The following TRHDE variants were observed in gnomAD, a reference collection of about 807,000 sequenced individuals.
The protein encoded by TRHDE is thyrotropin-releasing hormone-degrading ectoenzyme.
In TRHDE, 72 loss-of-function variants were observed where a neutral mutation model predicts 125.7. That is an observed-to-expected ratio of 0.57 (90% confidence interval 0.47 to 0.70). The LOEUF (loss-of-function observed/expected upper bound fraction) is 0.70. Among genes scored for constraint, TRHDE ranks in the 30% least tolerant of loss-of-function variants. The pLI is 0.00. For missense variants in TRHDE, 1,110 were observed against 1,327.1 expected (o/e 0.84, Z 2.54); for synonymous variants, 509 against 509.1 (o/e 1.00, Z 0.00).
At chr12:72,326,916 C>T (rs57530719) in intron 2 of TRHDE, among the ~76,000 whole-genome samples, 2,334 of 152,198 alleles carry the variant, frequency 0.015, 58 homozygotes, top group African/African-American at 0.053. Flanking sequence ...GACTCTTATT[C>T]GGGAACTGCT....
chr12:72,377,657 C>T (rs990443073), intron 2 of TRHDE, among the ~76,000 whole-genome samples: 1 of 152,122 alleles, frequency 6.6e-6, no homozygotes, highest in African/African-American at 2.4e-5. Flanking sequence ...TCAGCATAGT[C>T]AGGGTCCCAT....
intron 10 of TRHDE, 61 bp from the exon 11 acceptor site, chr12:72,575,194 C>T: frequency 1.3e-6 from 2 of 1,542,628 alleles, no homozygotes; most frequent in Admixed American, 1.8e-5. Flanking sequence ...GTTAAGAAAA[C>T]ATACTTCATT....
At chr12:72,295,613 A>G (rs2135679485) in intron 2 of TRHDE, among the ~76,000 whole-genome samples, 1 of 152,298 alleles carries the variant, frequency 6.6e-6, no homozygotes, top group Admixed American at 6.5e-5. Context: ...CCAGGAAAGT[A>G]CAAGACATAT....
At chr12:72,554,045 A>G (rs941288630) in intron 7 of TRHDE, among the ~76,000 whole-genome samples, 1 of 151,556 alleles carries the variant, frequency 6.6e-6, no homozygotes, top group Non-Finnish European at 1.5e-5. Flanking sequence ...ATGGGGTTTC[A>G]CCACGTTGGC....
intron 6 of TRHDE, among the ~76,000 whole-genome samples, chr12:72,520,315 C>T (rs56285747): frequency 0.051 from 7,824 of 152,274 alleles, 284 homozygotes; most frequent in Admixed American, 0.12. Context: ...TAAGACCCTC[C>T]GAGCCAGGTG....
At chr12:72,150,804 G>C (rs1876343421) in intron 2 of TRHDE, among the ~76,000 whole-genome samples, 1 of 151,930 alleles carries the variant, frequency 6.6e-6, no homozygotes, top group Admixed American at 6.6e-5. Flanking sequence ...ATCATTGTTG[G>C]ACATTTGGGT....
At chr12:72,594,015 C>A (rs770766737) in intron 12 of TRHDE, among the ~76,000 whole-genome samples, 13 of 152,002 alleles carry the variant, frequency 8.6e-5, no homozygotes, top group Non-Finnish European at 1.5e-4. Flanking sequence ...ATTTATAATC[C>A]CTTGGGTATA....
In TRHDE at chr12:72,165,921, C is replaced by T. The variant is rs767472072; in HGVS notation, n.279+60169C>T. 7.9e-5 allele frequency among the ~76,000 whole-genome samples: 12 copies of T among 152,062 alleles called. No individual in the cohort carries two copies. In the East Asian group the frequency reaches 1.7e-3, roughly 22 times the overall value. ...TGATCTCCTGACCTCATGATCTGCCCGCCATGGCCTCCCAAAGTGCTGGGA... is the reference window on the plus strand; with the variant it reads ...TGATCTCCTGACCTCATGATCTGCCTGCCATGGCCTCCCAAAGTGCTGGGA... On this transcript the variant is annotated intron_variant and non_coding_transcript_variant, in intron 2 of 4. Coordinates refer to the TRHDE transcript ENST00000548156.
chr12:72,283,350 T>G (rs1187063067), intron 1 of TRHDE, among the ~76,000 whole-genome samples: 1 of 152,180 alleles, frequency 6.6e-6, no homozygotes, highest in South Asian at 2.1e-4. Flanking sequence ...AGACCTTAAA[T>G]GTAATCTAGT....
At chr12:72,313,152 A>C (rs890961477) in intron 2 of TRHDE, among the ~76,000 whole-genome samples, 3 of 152,152 alleles carry the variant, frequency 2.0e-5, no homozygotes, top group Non-Finnish European at 4.4e-5. Context: ...GGCCAGATAA[A>C]TAATTTTACT....
At position 72,315,038 on chromosome 12, in the gene TRHDE, T is replaced by C. The variant is rs150187962; in HGVS notation, c.1188+28084T>C. The stretch of plus-strand genomic sequence containing the variant: ...GTTAAAAATAAATTGTTTAGGCAGA[T>C]ATATCTGTATAACTTACATTAGGAT... On this transcript the variant is annotated intron_variant, in intron 2 of 18. Transcript: ENST00000261180. 1.8e-3 allele frequency among the ~76,000 whole-genome samples: 279 copies of C among 152,348 alleles called. 4 individuals carry two copies. Among genetic ancestry groups the C allele is most frequent in the African/African-American group, 6.1e-3 (252 of 41,578 alleles).
At chr12:72,434,029 A>G (rs867661253) in intron 3 of TRHDE, among the ~76,000 whole-genome samples, 8 of 152,090 alleles carry the variant, frequency 5.3e-5, no homozygotes, top group African/African-American at 1.7e-4. Context: ...GAGAGGAGTG[A>G]GTGAGGACTG....
At chr12:72,329,368 G>A (rs112120459) in intron 2 of TRHDE, among the ~76,000 whole-genome samples, 11 of 152,260 alleles carry the variant, frequency 7.2e-5, no homozygotes, top group South Asian at 4.1e-4. Context: ...AGAAAATGCC[G>A]TTTGATTTGG....
chr12:72,138,212 T>G (rs1375159867), intron 2 of TRHDE, among the ~76,000 whole-genome samples: 1 of 151,894 alleles, frequency 6.6e-6, no homozygotes, highest in Admixed American at 6.6e-5. Context: ...CTGTCTCTAC[T>G]AAAATACAAA....
chr12:72,255,060 G>T (rs954329774), intron 2 of TRHDE: 7 of 152,242 alleles, frequency 4.6e-5, no homozygotes, highest in Admixed American at 4.6e-4. Context: ...GGTCACTAAT[G>T]ACTTGCACAA....
chr12:72,138,283 G>A (rs1252499411), intron 2 of TRHDE, among the ~76,000 whole-genome samples: 1 of 152,076 alleles, frequency 6.6e-6, no homozygotes. Flanking sequence ...GCTGAGGCAG[G>A]GGAATTGCTT....
chr12:72,380,734 GCTTC>G lies in TRHDE; in HGVS notation c.1315+2641_1315+2644del, dbSNP rs1227111391. 2.8e-3 allele frequency among the ~76,000 whole-genome samples: 227 copies of G among 82,082 alleles called. 3 individuals carry two copies. Among genetic ancestry groups the G allele is most frequent in the South Asian group, 3.1e-3 (8 of 2,558 alleles). 53.8% of individuals were successfully genotyped at this position (82,082 alleles called of 152,430 possible). On this transcript the variant is annotated intron_variant, in intron 3 of 18. Coordinates refer to ENST00000261180, the MANE Select transcript of TRHDE (RefSeq NM_013381.3). ...TCCTTCCTTCCTTCCTTCCTTCCTT[GCTTC>G]CTTCCTTCCTTCCTTCCTTCCTTCC... is the stretch of plus-strand genomic sequence containing the variant.
chr12:72,648,858 T>A (rs1874387437), intron 15 of TRHDE, among the ~76,000 whole-genome samples: 3 of 151,480 alleles, frequency 2.0e-5, no homozygotes. Context: ...AAATGAAAAA[T>A]GTATGTACTA....
intron 3 of TRHDE, among the ~76,000 whole-genome samples, chr12:72,454,367 A>G (rs1480885098): frequency 6.6e-6 from 1 of 152,166 alleles, no homozygotes; most frequent in African/African-American, 2.4e-5. Flanking sequence ...TTAAACTAAT[A>G]TAATTTATAA....
Sources: gnomAD v4.1 joint callset for allele counts (sites outside exome capture counted in the v4.1 genomes callset) on GRCh38, gnomAD v4.1.1 for gene constraint, MANE v1.5 for transcripts, NCBI Gene and HGNC (gene_info 2026-07-23, HGNC 2026-07-21) for gene names.